Variants in UNC13B observed in about 807,000 individuals in gnomAD.
UNC13B encodes the protein protein unc-13 homolog B.
Under a neutral mutation model 211.0 loss-of-function variants are expected in UNC13B, and 144 were observed. The observed-to-expected ratio is 0.68, with a 90% CI of 0.60 to 0.78. The LOEUF (loss-of-function observed/expected upper bound fraction) is 0.78. UNC13B is among the 30% of genes least tolerant of loss of function. The pLI is 0.00. For synonymous variants in UNC13B, 709 were observed against 725.8 expected, an observed-to-expected ratio of 0.98 and a Z score of 0.37; for missense variants, 1,777 against 2,002.0, an observed-to-expected ratio of 0.89 and a Z score of 2.14.
At chr9:35,187,885 T>C (rs1822446701) in intron 1 of UNC13B, among the ~76,000 whole-genome samples, 1 of 152,210 alleles carries the variant, frequency 6.6e-6, no homozygotes, top group African/African-American at 2.4e-5. Flanking sequence ...ATGGGGCTTT[T>C]ATTGGCTCTG....
intron 25 of UNC13B, 103 bp downstream of exon 25, chr9:35,390,076 T>C (rs1373812294): frequency 1.9e-5 from 30 of 1,547,836 alleles, no homozygotes; most frequent in Middle Eastern, 1.7e-4. Flanking sequence ...TGCCACCTCT[T>C]CTTCCTGTCC....
intron 1 of UNC13B, among the ~76,000 whole-genome samples, chr9:35,181,327 T>TA (rs975632334): frequency 8.5e-5 from 13 of 152,086 alleles, no homozygotes; most frequent in African/African-American, 2.4e-4. Flanking sequence ...TTCTGTTTTC[T>TA]AAAAAAAATT....
chr9:35,386,385 C>T (rs1216486005), intron 24 of UNC13B, 92 bp downstream of exon 24: 18 of 1,540,630 alleles, frequency 1.2e-5, no homozygotes, highest in Admixed American at 5.3e-5. Context: ...GCACTCAGGA[C>T]AAAGTACTTG....
At chr9:35,326,921 G>A (rs929676996) in intron 11 of UNC13B, among the ~76,000 whole-genome samples, 3 of 152,100 alleles carry the variant, frequency 2.0e-5, no homozygotes, top group African/African-American at 7.2e-5. Context: ...TTGTCTTTTT[G>A]TTGTTGAGTT....
chr9:35,232,326 A>G (rs1283029649), intron 3 of UNC13B, among the ~76,000 whole-genome samples: 2 of 151,066 alleles, frequency 1.3e-5, no homozygotes, highest in Non-Finnish European at 2.9e-5. Context: ...AACTACAAGC[A>G]TGTACCATCA....
chr9:35,275,645 C>A (rs1028872525), intron 7 of UNC13B, among the ~76,000 whole-genome samples: 2 of 152,044 alleles, frequency 1.3e-5, no homozygotes, highest in Non-Finnish European at 2.9e-5. Context: ...CAGGTTGGAG[C>A]GTAGTGGTGT....
At chr9:35,184,079 G>A (rs1344726199) in intron 1 of UNC13B, among the ~76,000 whole-genome samples, 2 of 150,390 alleles carry the variant, frequency 1.3e-5, no homozygotes, top group Non-Finnish European at 3.0e-5. Flanking sequence ...GACGATGGGC[G>A]GCCGAGCAGA....
At chr9:35,190,641 T>C (rs1006528404) in intron 1 of UNC13B, among the ~76,000 whole-genome samples, 1 of 152,148 alleles carries the variant, frequency 6.6e-6, no homozygotes, top group Non-Finnish European at 1.5e-5. Context: ...GCCTGTCATA[T>C]GTGCATTAAG....
intron 6 of UNC13B, among the ~76,000 whole-genome samples, chr9:35,258,431 G>A (rs1827063843): frequency 1.3e-5 from 2 of 152,142 alleles, no homozygotes; most frequent in Admixed American, 1.3e-4. Context: ...TTGTTTTTGT[G>A]GTGGTTGTGG....
intron 1 of UNC13B, among the ~76,000 whole-genome samples, chr9:35,190,609 G>C (rs564027327): frequency 1.3e-5 from 2 of 151,908 alleles, no homozygotes; most frequent in South Asian, 4.2e-4. Flanking sequence ...AGGAGTCCCC[G>C]GCTACCGGAA....
At position 35,209,994 on chromosome 9, in the gene UNC13B, C is replaced by G. The variant is rs564049211; in HGVS notation, c.23-18021C>G. Among the ~76,000 whole-genome samples, 19 of 152,252 alleles carry G rather than the reference C, an allele frequency of 1.2e-4. 1 individual carries two copies. The highest frequency in any genetic ancestry group is 4.3e-4 in the African/African-American group (18 of 41,550). ...TTGGCTCATGCTTGTAATCTCACCA[C>G]TTTGGGAGGCCAAGGTGGGTGGATC... On this transcript the variant is annotated intron_variant, in intron 1 of 39. Transcript: ENST00000635942.
At chr9:35,221,012 T>A (rs1289134808) in intron 1 of UNC13B, among the ~76,000 whole-genome samples, 1 of 152,200 alleles carries the variant, frequency 6.6e-6, no homozygotes, top group Non-Finnish European at 1.5e-5. Flanking sequence ...TGATCATTGA[T>A]GTTTAACACC....
At chr9:35,205,902 G>T (rs916724758) in intron 1 of UNC13B, among the ~76,000 whole-genome samples, 40 of 152,130 alleles carry the variant, frequency 2.6e-4, no homozygotes, top group African/African-American at 8.9e-4. Context: ...CTTGAGGTGA[G>T]GCTGGGCACA....
chr9:35,162,428 T>A lies in UNC13B; in HGVS notation c.22+123T>A, dbSNP rs1820830805. On this transcript the variant is annotated intron_variant, in intron 1 of 39. Coordinates refer to ENST00000635942, the MANE Select transcript of UNC13B (RefSeq NM_001371189.2). The stretch of plus-strand genomic sequence containing the variant: ...ATCCCGTCCGTGCTTTGGGGGTCTA[T>A]TATTTTGGCAATCACTTAACAATCA... The A allele has an allele frequency of 1.8e-5, 23 of 1,280,060 alleles. No individual in the cohort carries two copies. In the East Asian group the frequency reaches 6.5e-4, roughly 36 times the overall value. The allele number at this position is 1,280,060 out of a possible 1,614,324, so 79.3% of individuals were successfully genotyped here.
At chr9:35,381,346 C>T in intron 19 of UNC13B, 131 bp downstream of exon 19, 1 of 984,520 alleles carries the variant, frequency 1.0e-6, no homozygotes, top group South Asian at 1.7e-5. Flanking sequence ...CTCTGTTACC[C>T]TGGAGAGTCC....
At chr9:35,324,118 T>C (rs1564136518) in intron 11 of UNC13B, among the ~76,000 whole-genome samples, 1 of 152,184 alleles carries the variant, frequency 6.6e-6, no homozygotes, top group Non-Finnish European at 1.5e-5. Flanking sequence ...TAGAAACTTG[T>C]TCAGGATCAC....
At chr9:35,274,781 G>T (rs1828079250) in intron 7 of UNC13B, among the ~76,000 whole-genome samples, 1 of 152,060 alleles carries the variant, frequency 6.6e-6, no homozygotes, top group South Asian at 2.1e-4. Flanking sequence ...TAAATTCAGG[G>T]CCCTGTGAGT....
At chr9:35,218,689 G>A (rs564738792) in intron 1 of UNC13B, among the ~76,000 whole-genome samples, 2 of 151,836 alleles carry the variant, frequency 1.3e-5, no homozygotes, top group South Asian at 2.1e-4. Context: ...GAGCCACCGC[G>A]TCTGGTTAAG....
rs975753215 is a variant in UNC13B at position 35,306,119 on chromosome 9, G to A, written c.6715G>A (p.Val2239Ile). ...GGAAAAACAAAGCATTTCAACTGTT[G>A]TTCCAGTGACCTCCCAGCCCTGTAA... is the stretch of plus-strand genomic sequence containing the variant. ...SGEKQSISTV[V>I]PVTSQPCKKT... Residue 2239 changes from valine (V) to isoleucine (I), a missense_variant, in exon 9 of 40, where the codon GTT (valine) becomes ATT (isoleucine). Transcript: ENST00000635942. 8 of 398,884 alleles carry A rather than the reference G, an allele frequency of 2.0e-5. No individual in the cohort carries two copies. Among genetic ancestry groups the A allele is most frequent in the Non-Finnish European group, 3.1e-5 (7 of 226,058 alleles). The allele number at this position is 398,884 out of a possible 1,614,324, so 24.7% of individuals were successfully genotyped here.
Sources: gnomAD v4.1 joint callset for allele counts (sites outside exome capture counted in the v4.1 genomes callset) on GRCh38, gnomAD v4.1.1 for gene constraint, MANE v1.5 for transcripts, NCBI Gene and HGNC (gene_info 2026-07-23, HGNC 2026-07-21) for gene names.